The following IQGAP2 variants were observed in gnomAD, a reference collection of about 807,000 sequenced individuals.
The protein encoded by IQGAP2 is ras GTPase-activating-like protein IQGAP2.
A neutral mutation model predicts 201.3 loss-of-function variants in IQGAP2; 173 were observed. The ratio of observed to expected loss-of-function variants is 0.86; its 90% CI spans 0.76 to 0.98. IQGAP2 has a LOEUF of 0.98. Among genes scored for constraint, IQGAP2 ranks in the 50% least tolerant of loss-of-function variants. IQGAP2 has a pLI of 0.00. For synonymous variants in IQGAP2, 675 were observed against 673.9 expected (o/e 1.00, Z -0.03); for missense variants, 1,687 against 1,864.8 (o/e 0.90, Z 1.76).
intron 24 of IQGAP2, among the ~76,000 whole-genome samples, chr5:76,673,188 T>A (rs1744505057): frequency 6.6e-6 from 1 of 152,210 alleles, no homozygotes; most frequent in African/African-American, 2.4e-5. Flanking sequence ...AAAAGAAATT[T>A]AGCTGAGTCT....
intron 17 of IQGAP2, among the ~76,000 whole-genome samples, chr5:76,649,069 A>G: frequency 6.6e-6 from 1 of 152,250 alleles, no homozygotes; most frequent in Middle Eastern, 3.2e-3. Context: ...AGTGAAAGAA[A>G]TTCACACAAA....
intron 1 of IQGAP2, among the ~76,000 whole-genome samples, chr5:76,451,010 C>G (rs1422819020): frequency 2.0e-5 from 3 of 152,106 alleles, no homozygotes; most frequent in Non-Finnish European, 4.4e-5. Context: ...TCATAGTCTT[C>G]TAATTGTGTC....
chr5:76,545,908 T>C (rs147670442), intron 2 of IQGAP2, among the ~76,000 whole-genome samples: 37 of 152,354 alleles, frequency 2.4e-4, no homozygotes, highest in Middle Eastern at 3.4e-3. Context: ...AATCAGTTAT[T>C]ACTTCACACT....
At chr5:76,515,729 C>T (rs1203593773) in intron 2 of IQGAP2, among the ~76,000 whole-genome samples, 4 of 152,118 alleles carry the variant, frequency 2.6e-5, no homozygotes, top group African/African-American at 4.8e-5. Flanking sequence ...ACTGCATATA[C>T]TGTGCTTTTA....
intron 2 of IQGAP2, among the ~76,000 whole-genome samples, chr5:76,552,183 C>T (rs1428021286): frequency 6.6e-6 from 1 of 152,204 alleles, no homozygotes; most frequent in Non-Finnish European, 1.5e-5. Context: ...TCTCAGAAGC[C>T]TGCTGCTGTT....
chr5:76,648,972 G>C (rs1175442790), intron 17 of IQGAP2, among the ~76,000 whole-genome samples: 1 of 152,150 alleles, frequency 6.6e-6, no homozygotes, highest in Non-Finnish European at 1.5e-5. Context: ...AGGAGAAAGA[G>C]GCAGTACTGA....
intron 1 of IQGAP2, among the ~76,000 whole-genome samples, chr5:76,454,177 A>G (rs767828690): frequency 3.3e-4 from 50 of 152,112 alleles, no homozygotes; most frequent in Non-Finnish European, 5.3e-4. Context: ...GGTTCTAGAT[A>G]CACCCCACCC....
Position 76,698,065 on chromosome 5 carries a change from A to C in IQGAP2, c.4285A>C (p.Asn1429His), listed in dbSNP as rs759306787. ...ACTTCAGCAGACCCTGAATGCACTT[A>C]ACAAGAAGGCAGCATTTTATGAAGA... is the stretch of plus-strand genomic sequence containing the variant. ...AKLQQTLNAL[N>H]KKAAFYEEQI... Residue 1429 changes from asparagine (N) to histidine (H), a missense_variant, in exon 33 of 36, where the codon AAC becomes CAC. Coordinates refer to ENST00000274364, the MANE Select transcript of IQGAP2 (RefSeq NM_006633.5). The C allele has an allele frequency of 6.2e-7, 1 of 1,613,142 alleles. No individual in the cohort carries two copies. Among genetic ancestry groups the C allele is most frequent in the East Asian group, 2.2e-5 (1 of 44,830 alleles).
At chr5:76,568,347 T>C (rs1298483554) in intron 3 of IQGAP2, among the ~76,000 whole-genome samples, 1 of 152,234 alleles carries the variant, frequency 6.6e-6, no homozygotes, top group Admixed American at 6.5e-5. Flanking sequence ...TCTTGTATTG[T>C]AATAATTATA....
intron 21 of IQGAP2, among the ~76,000 whole-genome samples, chr5:76,662,938 T>TCA (rs1192711753): frequency 6.6e-6 from 1 of 152,170 alleles, no homozygotes; most frequent in Non-Finnish European, 1.5e-5. Context: ...CTCTCTGAAT[T>TCA]GAGAATGAGA....
At chr5:76,653,220 T>A (rs774676777) in intron 18 of IQGAP2, among the ~76,000 whole-genome samples, 1 of 152,122 alleles carries the variant, frequency 6.6e-6, no homozygotes, top group African/African-American at 2.4e-5. Context: ...ACAAAACCCA[T>A]GATAAGAGGA....
At chr5:76,634,845 G>T (rs1271404238) in intron 15 of IQGAP2, among the ~76,000 whole-genome samples, 1 of 152,178 alleles carries the variant, frequency 6.6e-6, no homozygotes, top group African/African-American at 2.4e-5. Flanking sequence ...CATCTAAAAA[G>T]TATGCCTCCT....
intron 3 of IQGAP2, among the ~76,000 whole-genome samples, chr5:76,564,900 C>A (rs763751407): frequency 6.6e-6 from 1 of 152,098 alleles, no homozygotes; most frequent in Non-Finnish European, 1.5e-5. Flanking sequence ...GGGAGCCCAT[C>A]CTTGCTGAGC....
chr5:76,479,689 A>G (rs1210057710), intron 2 of IQGAP2, among the ~76,000 whole-genome samples: 1 of 152,092 alleles, frequency 6.6e-6, no homozygotes, highest in Non-Finnish European at 1.5e-5. Context: ...GAGCCCCTCA[A>G]CCCCTGACGA....
chr5:76,514,728 A>G (rs1195370459), intron 2 of IQGAP2, among the ~76,000 whole-genome samples: 2 of 152,208 alleles, frequency 1.3e-5, no homozygotes, highest in Non-Finnish European at 2.9e-5. Flanking sequence ...ACACTCTTGC[A>G]TTAAACATCA....
At chr5:76,591,503 T>C (rs1342759609) in intron 8 of IQGAP2, among the ~76,000 whole-genome samples, 1 of 152,192 alleles carries the variant, frequency 6.6e-6, no homozygotes, top group East Asian at 1.9e-4. Context: ...GCTCTTGCCA[T>C]GTCAGTTTCA....
At chr5:76,423,601 A>G (rs60570368) in intron 1 of IQGAP2, among the ~76,000 whole-genome samples, 57,753 of 152,168 alleles carry the variant, frequency 0.38, 12,938 homozygotes, top group East Asian at 0.52. Flanking sequence ...AGCCTGGGCG[A>G]TAGAGCAAGA....
At chr5:76,404,884 C>T (rs1750712954) in intron 1 of IQGAP2, among the ~76,000 whole-genome samples, 1 of 149,050 alleles carries the variant, frequency 6.7e-6, no homozygotes, top group Admixed American at 6.6e-5. Flanking sequence ...GTGCCAACCT[C>T]AGGTGGGACC....
chr5:76,613,833 T>TAC (rs1748633900), intron 13 of IQGAP2, among the ~76,000 whole-genome samples: 1 of 152,160 alleles, frequency 6.6e-6, no homozygotes, highest in Non-Finnish European at 1.5e-5. Context: ...TAGCAGGGAC[T>TAC]ACAGGCACCT....
Sources: gnomAD v4.1 joint callset for allele counts (sites outside exome capture counted in the v4.1 genomes callset) on GRCh38, gnomAD v4.1.1 for gene constraint, MANE v1.5 for transcripts, NCBI Gene and HGNC (gene_info 2026-07-23, HGNC 2026-07-21) for gene names.